The following PCDHA12 variants were observed in gnomAD, a reference collection of about 807,000 sequenced individuals.
PCDHA12 encodes protocadherin alpha 12, also known as protocadherin alpha-12.
Under a neutral mutation model 60.0 loss-of-function variants are expected in PCDHA12, and 44 were observed. The ratio of observed to expected loss-of-function variants is 0.73; its 90% confidence interval spans 0.58 to 0.94. The LOEUF is 0.94. Among genes scored for constraint, PCDHA12 ranks in the 40% least tolerant of loss-of-function variants. PCDHA12 has a pLI of 0.00. For missense variants in PCDHA12, 1,276 were observed against 1,239.7 expected (o/e 1.03, Z -0.44); for synonymous variants, 569 against 553.0 (o/e 1.03, Z -0.40).
intron 1 of PCDHA12, chr5:140,969,349 G>A (rs782345683): frequency 3.1e-5 from 50 of 1,612,958 alleles, no homozygotes; most frequent in Non-Finnish European, 4.2e-5. Context: ...AGTGGTCAGG[G>A]GGTCTTCTAC....
rs782196648 is a variant in PCDHA12 at position 140,877,456 on chromosome 5, A to G, written c.1984A>G (p.Thr662Ala). 18 of 1,613,802 alleles carry G rather than the reference A, an allele frequency of 1.1e-5. No homozygotes were observed. The highest frequency in any genetic ancestry group is 1.5e-5 in the Non-Finnish European group (18 of 1,179,854). ...KDHGEPALTS[T>A]ATVLVSLVEN... ...CCACGGTGAGCCCGCGCTGACGTCC[A>G]CGGCCACGGTGCTGGTGTCGCTGGT... The change falls in exon 1 of 4, where the codon ACG (threonine) becomes GCG (alanine). Residue 662 changes from threonine (T) to alanine (A), a missense_variant. Thr to Ala is a moderately conservative substitution (Grantham distance 58, BLOSUM62 0). Transcript: ENST00000398631.
chr5:140,882,930 A>C, intron 1 of PCDHA12: 8 of 1,614,214 alleles, frequency 5.0e-6, no homozygotes, highest in Non-Finnish European at 6.8e-6. Context: ...GGTAAACCCG[A>C]GCTGACTGGC....
intron 1 of PCDHA12, chr5:140,882,343 G>A: frequency 6.2e-7 from 1 of 1,614,198 alleles, no homozygotes; most frequent in Non-Finnish European, 8.5e-7. Context: ...CAGCCTGGGA[G>A]ACGGGTAGTG....
intron 1 of PCDHA12, among the ~76,000 whole-genome samples, chr5:140,901,060 AT>A (rs542927280): frequency 1.3e-5 from 2 of 151,130 alleles, no homozygotes; most frequent in East Asian, 3.9e-4. Flanking sequence ...AGATTATTAG[AT>A]TTTTTTTTCT....
chr5:140,960,553 C>T (rs2095555809), intron 1 of PCDHA12, among the ~76,000 whole-genome samples: 1 of 152,078 alleles, frequency 6.6e-6, no homozygotes, highest in Non-Finnish European at 1.5e-5. Context: ...TTCATATAGA[C>T]TGAGCTTAGG....
At chr5:140,984,704 G>A (rs2097116148) in intron 3 of PCDHA12, among the ~76,000 whole-genome samples, 1 of 152,032 alleles carries the variant, frequency 6.6e-6, no homozygotes, top group Non-Finnish European at 1.5e-5. Flanking sequence ...CTGCTTGGAG[G>A]GAATATGGCA....
intron 1 of PCDHA12, chr5:140,928,175 G>A (rs782432136): frequency 6.8e-6 from 11 of 1,614,032 alleles, no homozygotes; most frequent in African/African-American, 1.3e-5. Flanking sequence ...CTTAGCACCC[G>A]AAGGACAATC....
chr5:140,888,067 T>G (rs1392142536), intron 1 of PCDHA12, among the ~76,000 whole-genome samples: 1 of 152,224 alleles, frequency 6.6e-6, no homozygotes, highest in Admixed American at 6.5e-5. Context: ...CTTTCTTGTC[T>G]GCTAATTTCA....
chr5:140,877,636 C>T lies in PCDHA12; in HGVS notation c.2164C>T (p.Arg722Cys), dbSNP rs1554169939. The change falls in exon 1 of 4, where the codon CGT becomes TGT. Residue 722 changes from arginine (R) to cysteine (C), a missense_variant. Coordinates refer to ENST00000398631, the MANE Select transcript of PCDHA12 (RefSeq NM_018903.4). ...CACGCTGCTGCTGTACACTGCGCTG[C>T]GTTGCTCAGCGCCGCCCACCGTGAG... is the stretch of plus-strand genomic sequence containing the variant. ...VLTLLLYTALRCSAPPTVSRC... is the reference protein window; with the variant it reads ...VLTLLLYTALCCSAPPTVSRC... The T allele has an allele frequency of 1.2e-6, 2 of 1,613,640 alleles. No homozygotes were observed. Among genetic ancestry groups the T allele is most frequent in the Admixed American group, 1.7e-5 (1 of 60,006 alleles).
chr5:140,877,149 C>T lies in PCDHA12; in HGVS notation c.1677C>T (p.Asn559=). 3.1e-6 allele frequency: 5 copies of T among 1,613,766 alleles called. No homozygotes were observed. Among genetic ancestry groups the T allele is most frequent in the Non-Finnish European group, 4.2e-6 (5 of 1,179,852 alleles). The change falls in exon 1 of 4, where the codon AAC becomes AAT. Residue 559 remains asparagine, a synonymous_variant. Coordinates refer to ENST00000398631, the MANE Select transcript of PCDHA12 (RefSeq NM_018903.4). The stretch of plus-strand genomic sequence containing the variant: ...TGCAGGTGTTCGTGCTGGACGAGAA[C>T]GACAACGCGCCGGCACTGCTGGCGA... The part of the protein sequence containing the change: ...VTLQVFVLDE[N]DNAPALLATP...
intron 1 of PCDHA12, chr5:140,968,831 C>T (rs1469537973): frequency 1.2e-6 from 2 of 1,614,020 alleles, no homozygotes; most frequent in Non-Finnish European, 8.5e-7. Flanking sequence ...CAAAATCCTC[C>T]CTGACACTCA....
chr5:140,987,122 G>A (rs1054053197), intron 3 of PCDHA12, among the ~76,000 whole-genome samples: 2 of 151,858 alleles, frequency 1.3e-5, no homozygotes, highest in African/African-American at 4.8e-5. Context: ...GCTGAGGCAG[G>A]AGAATTGCTT....
intron 1 of PCDHA12, among the ~76,000 whole-genome samples, chr5:140,965,009 T>C (rs2153742434): frequency 6.6e-6 from 1 of 152,248 alleles, no homozygotes; most frequent in South Asian, 2.1e-4. Context: ...GGTGTCAGGA[T>C]CACAACCTTG....
At chr5:140,881,785 C>A (rs2058831561) in intron 1 of PCDHA12, among the ~76,000 whole-genome samples, 1 of 152,202 alleles carries the variant, frequency 6.6e-6, no homozygotes, top group South Asian at 2.1e-4. Context: ...AACTACCGAT[C>A]AATTGTCCCA....
rs1380633697 is a variant in PCDHA12 at position 140,876,435 on chromosome 5, C to A, written c.963C>A (p.Asn321Lys). Residue 321 changes from asparagine to lysine, a missense_variant, in exon 1 of 4, where the codon AAC (asparagine) becomes AAA (lysine). Physicochemically the swap from Asn to Lys is moderately conservative, Grantham distance 94 (BLOSUM62 0). Coordinates refer to ENST00000398631, the MANE Select transcript of PCDHA12 (RefSeq NM_018903.4). ...ATAATGCCTATGAAATTCAGGTTAA[C>A]GCCATTGATAAAGGGATTCCTTCCA... is the stretch of plus-strand genomic sequence containing the variant. ...EENNAYEIQVNAIDKGIPSMA... is the reference protein window; with the variant it reads ...EENNAYEIQVKAIDKGIPSMA... The A allele has an allele frequency of 1.9e-6, 3 of 1,613,852 alleles. No individual in the cohort carries two copies. Among genetic ancestry groups the A allele is most frequent in the Non-Finnish European group, 1.7e-6 (2 of 1,179,908 alleles).
intron 1 of PCDHA12, among the ~76,000 whole-genome samples, chr5:140,891,347 A>G (rs1554184792): frequency 6.6e-6 from 1 of 151,926 alleles, no homozygotes; most frequent in African/African-American, 2.4e-5. Context: ...ATTTTGGTGC[A>G]TCCATCACCT....
Position 140,876,798 on chromosome 5 carries a change from C to T in PCDHA12, c.1326C>T (p.Ser442=). 1 of 1,614,180 alleles carries T rather than the reference C, an allele frequency of 6.2e-7. No homozygotes were observed. Among genetic ancestry groups the T allele is most frequent in the Non-Finnish European group, 8.5e-7 (1 of 1,180,032 alleles). The part of the protein sequence containing the change: ...SPSLWATARV[S]VEVADVNDNA... Reference sequence around the variant, plus strand: ...CGCTGTGGGCCACGGCTAGAGTGTCCGTGGAGGTGGCCGACGTGAACGACA... The same window carrying T: ...CGCTGTGGGCCACGGCTAGAGTGTCTGTGGAGGTGGCCGACGTGAACGACA... The change falls in exon 1 of 4, where the codon TCC becomes TCT. Residue 442 remains serine (S), a synonymous_variant. Coordinates refer to ENST00000398631, the MANE Select transcript of PCDHA12 (RefSeq NM_018903.4).
In PCDHA12 at chr5:140,903,563, T is replaced by C. The variant is rs1459855021; in HGVS notation, c.2367+25724T>C. ...CAAGAAACTTTTCTAATAAGTGGAA[T>C]TGGGAGCTGTCTAGCTGGTGTTGGC... On this transcript the variant is annotated intron_variant, in intron 1 of 3. Transcript: ENST00000398631. Among the ~76,000 whole-genome samples the C allele has an allele frequency of 2.6e-5, 4 of 152,208 alleles. No individual in the cohort carries two copies. In the East Asian group the frequency reaches 5.8e-4, roughly 22 times the overall value.
rs565441433 is a variant in PCDHA12, at chr5:141,011,340, A to G, written c.*1403A>G. 6.5e-6 allele frequency: 1 copy of G among 153,828 alleles called. No homozygotes were observed. Among genetic ancestry groups the G allele is most frequent in the African/African-American group, 2.4e-5 (1 of 41,570 alleles). 9.5% of individuals were successfully genotyped at this position (153,828 alleles called of 1,614,324 possible). On this transcript the variant is annotated 3_prime_UTR_variant, in exon 4 of 4. Transcript: ENST00000398631. Reference sequence around the variant, plus strand: ...ACTAACACCTATGATGTTACCTGAAATCAATCTCCCATATGTATGCTGTAT... The same window carrying G: ...ACTAACACCTATGATGTTACCTGAAGTCAATCTCCCATATGTATGCTGTAT...
Sources: gnomAD v4.1 joint callset for allele counts (sites outside exome capture counted in the v4.1 genomes callset) on GRCh38, gnomAD v4.1.1 for gene constraint, MANE v1.5 for transcripts, NCBI Gene and HGNC (gene_info 2026-07-23, HGNC 2026-07-21) for gene names.